NKAIN3: variants seen among roughly 807,000 people sequenced by gnomAD.
The protein encoded by NKAIN3 is sodium/potassium transporting ATPase interacting 3.
A neutral mutation model predicts 30.2 loss-of-function variants in NKAIN3; 25 were observed. The observed-to-expected ratio is 0.83, with a 90% CI of 0.60 to 1.16. The LOEUF (loss-of-function observed/expected upper bound fraction) is 1.16, where lower values mean the gene tolerates loss of function less well. Among genes scored for constraint, NKAIN3 ranks in the 50% most tolerant of loss-of-function variants. The pLI, the probability that NKAIN3 is intolerant of heterozygous loss-of-function variation, is 0.00. For synonymous variants in NKAIN3, 91 were observed against 89.6 expected (o/e 1.02, Z -0.09); for missense variants, 225 against 254.1 (o/e 0.89, Z 0.78).
chr8:62,302,977 A>G (rs1189343060), intron 1 of NKAIN3, among the ~76,000 whole-genome samples: 2 of 150,178 alleles, frequency 1.3e-5, no homozygotes, highest in Admixed American at 1.3e-4. Context: ...TCACATTGCA[A>G]ATCACTTGAG....
chr8:62,693,928 G>T (rs1025805820), intron 3 of NKAIN3, among the ~76,000 whole-genome samples: 1 of 152,012 alleles, frequency 6.6e-6, no homozygotes, highest in Non-Finnish European at 1.5e-5. Context: ...GAAAAAAGTT[G>T]CATTAATCAT....
chr8:62,856,879 C>G (rs1338840923), intron 4 of NKAIN3: 1 of 590,478 alleles, frequency 1.7e-6, no homozygotes, highest in Non-Finnish European at 3.2e-6. Flanking sequence ...GATGTACACA[C>G]TTTGGATACA....
chr8:62,688,133 A>G lies in NKAIN3; in HGVS notation c.274-58799A>G, dbSNP rs1813853605. 3.3e-5 allele frequency among the ~76,000 whole-genome samples: 5 copies of G among 152,228 alleles called. No individual in the cohort carries two copies. In the South Asian group the frequency reaches 1.0e-3, roughly 31 times the overall value. Reference sequence around the variant, plus strand: ...AGATTCCATAATTTCAGTGACAAATAATTCAGTTCCTCATAAGAGAGTGCA... The same window carrying G: ...AGATTCCATAATTTCAGTGACAAATGATTCAGTTCCTCATAAGAGAGTGCA... On this transcript the variant is annotated intron_variant, in intron 3 of 6. Coordinates refer to ENST00000623646, the MANE Select transcript of NKAIN3 (RefSeq NM_001304533.3).
In NKAIN3 at chr8:62,975,345, G is replaced by T. The variant is rs1193537355; in HGVS notation, c.*9938G>T. ...AATTACTGCCTCAATTTCAGAACTT[G>T]TTATTGGTCTATTCAGGGATTCAAC... is the stretch of plus-strand genomic sequence containing the variant. On this transcript the variant is annotated 3_prime_UTR_variant, in exon 7 of 7. Coordinates refer to ENST00000623646, the MANE Select transcript of NKAIN3 (RefSeq NM_001304533.3). Among the ~76,000 whole-genome samples, 1 of 151,976 alleles carries T rather than the reference G, an allele frequency of 6.6e-6. No homozygotes were observed. The highest frequency in any genetic ancestry group is 1.9e-4 in the East Asian group (1 of 5,184).
intron 3 of NKAIN3, among the ~76,000 whole-genome samples, chr8:62,673,362 T>C (rs985056229): frequency 6.6e-6 from 1 of 152,204 alleles, no homozygotes; most frequent in Non-Finnish European, 1.5e-5. Flanking sequence ...GAATGTACAG[T>C]AATGACCAAG....
chr8:62,515,780 G>A (rs1323502651), intron 1 of NKAIN3, among the ~76,000 whole-genome samples: 1 of 152,114 alleles, frequency 6.6e-6, no homozygotes, highest in Non-Finnish European at 1.5e-5. Flanking sequence ...TCTGATGGAA[G>A]AAAACCCTTG....
chr8:62,886,733 G>A (rs1821157941), intron 4 of NKAIN3, among the ~76,000 whole-genome samples: 1 of 152,100 alleles, frequency 6.6e-6, no homozygotes, highest in Non-Finnish European at 1.5e-5. Context: ...GTATACCATA[G>A]TGGTTTGCTG....
intron 4 of NKAIN3, among the ~76,000 whole-genome samples, chr8:62,771,970 T>C (rs550713902): frequency 1.3e-5 from 2 of 152,178 alleles, no homozygotes; most frequent in African/African-American, 4.8e-5. Flanking sequence ...TTGTTTACTT[T>C]AGGCACTGTG....
chr8:62,772,765 A>T (rs1463050652), intron 4 of NKAIN3, among the ~76,000 whole-genome samples: 2 of 151,178 alleles, frequency 1.3e-5, no homozygotes, highest in East Asian at 3.9e-4. Context: ...GGTTCAAGCG[A>T]TTCTTTTGCC....
At chr8:62,834,004 A>G (rs571146306) in intron 4 of NKAIN3, among the ~76,000 whole-genome samples, 1 of 152,282 alleles carries the variant, frequency 6.6e-6, no homozygotes, top group South Asian at 2.1e-4. Context: ...TATTTCTGGG[A>G]TGCAAGGTTG....
chr8:62,720,952 T>C (rs940271646), intron 3 of NKAIN3, among the ~76,000 whole-genome samples: 1 of 152,242 alleles, frequency 6.6e-6, no homozygotes, highest in African/African-American at 2.4e-5. Flanking sequence ...ATATTATGCA[T>C]CTGCCGCATC....
At chr8:62,443,948 G>A (rs1459933697) in intron 1 of NKAIN3, among the ~76,000 whole-genome samples, 1 of 151,898 alleles carries the variant, frequency 6.6e-6, no homozygotes, top group African/African-American at 2.4e-5. Context: ...GCTCTAACAG[G>A]CATTACTGTT....
intron 1 of NKAIN3, among the ~76,000 whole-genome samples, chr8:62,474,784 T>C (rs560730309): frequency 2.6e-5 from 4 of 152,212 alleles, no homozygotes; most frequent in African/African-American, 9.6e-5. Context: ...TTTTGTAAGC[T>C]AAAGAGATGA....
chr8:62,397,200 A>G (rs1390656911), intron 1 of NKAIN3, among the ~76,000 whole-genome samples: 1 of 152,100 alleles, frequency 6.6e-6, no homozygotes, highest in African/African-American at 2.4e-5. Flanking sequence ...CCACCCTGAT[A>G]TTTAATTAGA....
At chr8:62,290,024 C>G (rs1331292587) in intron 1 of NKAIN3, among the ~76,000 whole-genome samples, 2 of 152,116 alleles carry the variant, frequency 1.3e-5, no homozygotes, top group Non-Finnish European at 2.9e-5. Flanking sequence ...GGAGTTCACT[C>G]ATGATTTGGC....
chr8:62,564,234 C>G (rs941463944), intron 1 of NKAIN3, among the ~76,000 whole-genome samples: 8 of 152,090 alleles, frequency 5.3e-5, no homozygotes, highest in Non-Finnish European at 8.8e-5. Flanking sequence ...AATATTAACA[C>G]AAGGTCCCTC....
At chr8:62,812,745 T>A (rs1451675725) in intron 4 of NKAIN3, among the ~76,000 whole-genome samples, 1 of 151,890 alleles carries the variant, frequency 6.6e-6, no homozygotes, top group African/African-American at 2.4e-5. Context: ...ATACATTTCT[T>A]AATGAAGACT....
intron 4 of NKAIN3, among the ~76,000 whole-genome samples, chr8:62,778,327 T>C (rs1253380885): frequency 6.6e-6 from 1 of 152,150 alleles, no homozygotes; most frequent in Non-Finnish European, 1.5e-5. Flanking sequence ...TTAGAGATGC[T>C]GTCTGAGAAC....
intron 1 of NKAIN3, among the ~76,000 whole-genome samples, chr8:62,259,729 CAA>C (rs1295520524): frequency 6.6e-6 from 1 of 151,912 alleles, no homozygotes; most frequent in East Asian, 1.9e-4. Context: ...TAGTTATAAA[CAA>C]AAAAAATCAG....
Sources: allele counts gnomAD v4.1 joint callset (sites outside exome capture counted in the v4.1 genomes callset), GRCh38; gene constraint gnomAD v4.1.1; transcripts MANE v1.5; gene names NCBI Gene and HGNC (gene_info 2026-07-23, HGNC 2026-07-21).